Variants in CROCC observed in about 807,000 individuals in gnomAD.
CROCC encodes ciliary rootlet coiled-coil, rootletin, also known as rootletin.
CROCC carries 180 observed loss-of-function variants against 245.2 expected under a neutral mutation model. That is an observed-to-expected ratio of 0.73 (90% CI 0.65 to 0.83). The LOEUF (loss-of-function observed/expected upper bound fraction) is 0.83. CROCC is among the 40% of genes least tolerant of loss of function. CROCC has a pLI of 0.00. For missense variants in CROCC, 2,688 were observed against 2,779.4 expected (o/e 0.97, Z 0.74); for synonymous variants, 1,205 against 1,241.6 (o/e 0.97, Z 0.62).
rs760837275 is a variant in CROCC, at chr1:16,947,934, G to A, written c.2515-397G>A. 4.7e-3 allele frequency among the ~76,000 whole-genome samples: 717 copies of A among 152,330 alleles called. 5 individuals are homozygous for A. Among genetic ancestry groups the A allele is most frequent in the Middle Eastern group, 0.014 (4 of 294 alleles). Reference sequence around the variant, plus strand: ...GCTCACTGCAACCTCCGCCTCCAGGGTTTAAGCTGTTCGCCTGCCTCAGCG... The same window carrying A: ...GCTCACTGCAACCTCCGCCTCCAGGATTTAAGCTGTTCGCCTGCCTCAGCG... On this transcript the variant is annotated intron_variant, in intron 17 of 36. Transcript: ENST00000375541.
chr1:16,938,936 G>T lies in CROCC; in HGVS notation c.1402G>T (p.Val468Phe), dbSNP rs1416738871. The change falls in exon 12 of 37, where the codon GTC (valine) becomes TTC (phenylalanine). Residue 468 changes from valine (V) to phenylalanine (F), a missense_variant. Physicochemically the swap from Val to Phe is conservative, Grantham distance 50. Around this residue, in one of 9 missense-constraint regions of CROCC, gnomAD observed 972 missense variants for 895.3 expected, o/e 1.09. Coordinates refer to ENST00000375541, the MANE Select transcript of CROCC (RefSeq NM_014675.5). ...CGTCTTGTCAGACTCTGAGAGCGGC[G>T]TCCAGCTGAGCGGCTCTGAGCGCAC... ...QAVLSDSESG[V>F]QLSGSERTAD... 1.2e-6 allele frequency: 2 copies of T among 1,602,424 alleles called. No homozygotes were observed. The highest frequency in any genetic ancestry group is 2.2e-5 in the East Asian group (1 of 44,484).
chr1:16,953,705 A>G (rs1393044979), intron 21 of CROCC: 12 of 521,800 alleles, frequency 2.3e-5, no homozygotes, highest in Non-Finnish European at 3.7e-5. Flanking sequence ...TGACAGTGAC[A>G]GTCGTGACAC....
Position 16,930,414 on chromosome 1 carries a change from C to G in CROCC, c.684-15C>G. 1 of 1,611,426 alleles carries G rather than the reference C, an allele frequency of 6.2e-7. No individual in the cohort carries two copies. The highest frequency in any genetic ancestry group is 8.5e-7 in the Non-Finnish European group (1 of 1,179,730). On this transcript the variant is annotated splice_polypyrimidine_tract_variant and intron_variant, in intron 6 of 36. Transcript: ENST00000375541. ...CCCTGCGCGAGCGCCTACTGATCCCCTGTGCCCCATTCAGGAGTGCCAGCC... is the reference window on the plus strand; with the variant it reads ...CCCTGCGCGAGCGCCTACTGATCCCGTGTGCCCCATTCAGGAGTGCCAGCC...
chr1:16,963,136 T>A (rs2076360941), intron 27 of CROCC, among the ~76,000 whole-genome samples: 1 of 142,498 alleles, frequency 7.0e-6, no homozygotes, highest in Admixed American at 7.2e-5. Context: ...TGAGCCGAGA[T>A]CGCACCATTG....
intron 8 of CROCC, among the ~76,000 whole-genome samples, chr1:16,935,986 T>C (rs2075779090): frequency 6.6e-6 from 1 of 152,350 alleles, no homozygotes; most frequent in Non-Finnish European, 1.5e-5. Context: ...TCCGTTGTGG[T>C]TGTATCACCC....
intron 17 of CROCC, among the ~76,000 whole-genome samples, chr1:16,947,373 G>A (rs555442179): frequency 6.6e-6 from 1 of 152,224 alleles, no homozygotes; most frequent in African/African-American, 2.4e-5. Context: ...GGAGGCTGAG[G>A]CAGGAGAATC....
upstream of CROCC, among the ~76,000 whole-genome samples, chr1:16,920,198 C>A (rs1462981853): frequency 6.6e-6 from 1 of 152,270 alleles, no homozygotes; most frequent in Admixed American, 6.5e-5. Flanking sequence ...CCTGACTCAG[C>A]CTCCCAGGTA....
chr1:16,925,857 G>A lies in CROCC; in HGVS notation c.351+1378G>A, dbSNP rs1405949788. 3.3e-5 allele frequency among the ~76,000 whole-genome samples: 5 copies of A among 152,370 alleles called. No individual in the cohort carries two copies. The East Asian group carries it at 9.6e-4, about 29-fold the overall frequency. On this transcript the variant is annotated intron_variant, in intron 3 of 36. Transcript: ENST00000375541. ...CTCGTTTCCCCAGGGTCTGCAGCGG[G>A]TGTGTAGGGCACGCTGGCCCCAGTC...
chr1:16,946,644 C>T (rs2076053391), intron 16 of CROCC, 117 bp from the exon 17 acceptor site: 8 of 1,200,296 alleles, frequency 6.7e-6, no homozygotes, highest in Admixed American at 2.3e-5. Context: ...AGGGCACTGT[C>T]CCTCATTCCC....
At chr1:16,940,709 AGTTTTGTTTT>A (rs762748855) in intron 13 of CROCC, 18 of 236,598 alleles carry the variant, frequency 7.6e-5, no homozygotes, top group African/African-American at 1.6e-4. Context: ...TTTAGTATTC[AGTTTTGTTTT>A]GTTTTGTTTT....
At chr1:16,917,173 G>A (rs1357310994), upstream of CROCC, among the ~76,000 whole-genome samples, 8 of 152,292 alleles carry the variant, frequency 5.3e-5, no homozygotes, top group African/African-American at 9.6e-5. Context: ...CACCTAGGTC[G>A]CGGCTGTGAC....
chr1:16,948,935 G>T lies in CROCC; in HGVS notation c.2836+9G>T. The T allele has an allele frequency of 1.2e-6, 2 of 1,610,794 alleles. No homozygotes were observed. The highest frequency in any genetic ancestry group is 2.2e-5 in the South Asian group (2 of 90,866). On this transcript the variant is annotated intron_variant, in intron 19 of 36. Coordinates refer to ENST00000375541, the MANE Select transcript of CROCC (RefSeq NM_014675.5). ...CAAGGAGACCCTGACTGGTACGAGG[G>T]GCTGGGGACTTGGGGGGAACACCAG... is the stretch of plus-strand genomic sequence containing the variant.
intron 17 of CROCC, among the ~76,000 whole-genome samples, chr1:16,948,072 C>T (rs1249240870): frequency 6.6e-6 from 1 of 152,284 alleles, no homozygotes; most frequent in African/African-American, 2.4e-5. Context: ...CTCCTGACCT[C>T]AAGTGATCCA....
chr1:16,965,376 G>T (rs1193729585), intron 27 of CROCC, among the ~76,000 whole-genome samples: 1 of 152,208 alleles, frequency 6.6e-6, no homozygotes, highest in African/African-American at 2.4e-5. Flanking sequence ...GCTGAGGGTG[G>T]GATGAGCTCA....
intron 17 of CROCC, among the ~76,000 whole-genome samples, chr1:16,947,843 G>GTTT (rs2076084171): frequency 6.6e-6 from 1 of 151,966 alleles, no homozygotes; most frequent in South Asian, 2.1e-4. Context: ...TGTTTTTGTT[G>GTTT]TTGTTTTTTT....
intron 25 of CROCC, 69 bp from the exon 26 acceptor site, chr1:16,958,514 G>A: frequency 6.6e-7 from 1 of 1,524,134 alleles, no homozygotes. Flanking sequence ...GGTACCAAGT[G>A]GCCTTGGGCC....
In CROCC at chr1:16,936,861, A is replaced by G. The variant is rs755996417; in HGVS notation, c.1181A>G (p.Asp394Gly). The change falls in exon 9 of 37, where the codon GAC (aspartate) becomes GGC (glycine). Residue 394 changes from aspartate (D) to glycine (G), a missense_variant. By Grantham distance (94) the Asp-to-Gly change is moderately conservative. Transcript: ENST00000375541. ...QQMQSDLDKA[D>G]LSARVTELGL... ...ATGCAAAGCGACCTGGACAAGGCTG[A>G]CCTCAGTGCCAGGTGGGTACCTGGT... The G allele has an allele frequency of 6.2e-7, 1 of 1,610,270 alleles. No individual in the cohort carries two copies. The highest frequency in any genetic ancestry group is 8.5e-7 in the Non-Finnish European group (1 of 1,178,350).
Position 16,940,103 on chromosome 1 carries a change from A to T in CROCC, c.1808+10A>T, listed in dbSNP as rs1460478027. 18 of 1,593,336 alleles carry T rather than the reference A, an allele frequency of 1.1e-5. No individual in the cohort carries two copies. Among genetic ancestry groups the T allele is most frequent in the South Asian group, 4.5e-5 (4 of 88,700 alleles). ...ACGAGCTCCTGAGCAGGTGCCGGGG[A>T]GGTCTGAGCTGGGGGGTACTGAAGA... On this transcript the variant is annotated intron_variant, in intron 13 of 36. Coordinates refer to ENST00000375541, the MANE Select transcript of CROCC (RefSeq NM_014675.5).
intron 25 of CROCC, 115 bp from the exon 26 acceptor site, chr1:16,958,468 G>A (rs1373016258): frequency 4.8e-6 from 6 of 1,259,764 alleles, no homozygotes; most frequent in Non-Finnish European, 6.6e-6. Flanking sequence ...CAGTGGATGT[G>A]GGGTGGTATT....
Sources: allele counts gnomAD v4.1 joint callset (sites outside exome capture counted in the v4.1 genomes callset), GRCh38; gene constraint gnomAD v4.1.1; regional missense constraint gnomAD v4.1.1; transcripts MANE v1.5; gene names NCBI Gene and HGNC (gene_info 2026-07-23, HGNC 2026-07-21).